The following MYLK4 variants were observed in gnomAD, a reference collection of about 807,000 sequenced individuals.
MYLK4 encodes the protein myosin light chain kinase family member 4, also known as caMLCK like.
A neutral mutation model predicts 48.1 loss-of-function variants in MYLK4; 46 were observed. The ratio of observed to expected loss-of-function variants is 0.96; its 90% CI spans 0.75 to 1.22. The LOEUF (loss-of-function observed/expected upper bound fraction) is 1.22. MYLK4 is among the 50% of genes most tolerant of loss of function. The probability of loss-of-function intolerance (pLI) is 0.00; values close to 1 mark genes in which losing one functional copy is unlikely to be tolerated. For missense variants in MYLK4, 451 were observed against 486.1 expected (o/e 0.93, Z 0.68); for synonymous variants, 170 against 180.8 (o/e 0.94, Z 0.48).
upstream of MYLK4, among the ~76,000 whole-genome samples, chr6:2,753,816 C>T (rs1764356369): frequency 6.6e-6 from 1 of 151,680 alleles, no homozygotes; most frequent in South Asian, 2.1e-4. Context: ...ATTAAAACCA[C>T]AAGGAAACAT....
In MYLK4 at chr6:2,685,261, G is replaced by A. The variant is rs1330918824; in HGVS notation, c.545+35C>T. Reference sequence around the variant, plus strand: ...CACGGTCACGGTCATGAGTGCCCTTGGGGAGGTCAGGGAGGGGGCGGAGGG... The same window carrying A: ...CACGGTCACGGTCATGAGTGCCCTTAGGGAGGTCAGGGAGGGGGCGGAGGG... On this transcript the variant is annotated intron_variant, in intron 6 of 12. Coordinates refer to ENST00000274643, the MANE Select transcript of MYLK4 (RefSeq NM_001012418.5). The surrounding 1 kb of genome is among the most constrained non-coding windows in gnomAD (Gnocchi z 4.5). 1 of 1,501,116 alleles carries A rather than the reference G, an allele frequency of 6.7e-7. No individual in the cohort carries two copies. Among genetic ancestry groups the A allele is most frequent in the South Asian group, 1.1e-5 (1 of 88,678 alleles). 93.0% of individuals were successfully genotyped at this position (1,501,116 alleles called of 1,614,324 possible). A position where few individuals can be genotyped will look rare whatever the true frequency, so the allele number is the denominator to read the frequency against.
At chr6:2,765,672 A>T in the MYLK4 span, 3 of 1,552,784 alleles carry the variant, frequency 1.9e-6, no homozygotes, top group East Asian at 2.6e-5. Context: ...CAGCTGCACC[A>T]GGTGCAGTGC....
chr6:2,709,318 C>T (rs1305168310), intron 2 of MYLK4, among the ~76,000 whole-genome samples: 2 of 152,240 alleles, frequency 1.3e-5, no homozygotes, highest in East Asian at 3.8e-4. Context: ...AACATCTTAA[C>T]ACTCCATATT....
chr6:2,668,442 C>T (rs1223543475), intron 12 of MYLK4, among the ~76,000 whole-genome samples: 3 of 152,092 alleles, frequency 2.0e-5, no homozygotes, highest in Non-Finnish European at 4.4e-5. Flanking sequence ...ACAGAGGTAA[C>T]CAGAAACAAA....
chr6:2,680,375 G>A (rs1227086939), intron 7 of MYLK4, 84 bp from the exon 8 acceptor site: 5 of 1,597,146 alleles, frequency 3.1e-6, no homozygotes, highest in South Asian at 2.2e-5. Context: ...AAAATACAAC[G>A]ATGCTCAGAA....
chr6:2,686,214 C>A (rs1478906337), intron 4 of MYLK4, among the ~76,000 whole-genome samples: 2 of 152,164 alleles, frequency 1.3e-5, no homozygotes, highest in South Asian at 2.1e-4. Flanking sequence ...TCATATGCAC[C>A]CTCACATTTG....
the MYLK4 span, chr6:2,765,460 C>G: frequency 1.2e-6 from 1 of 853,992 alleles, no homozygotes; most frequent in Non-Finnish European, 1.5e-6. Context: ...GCGGGAGCTG[C>G]GGACGTGAGG....
At chr6:2,737,261 C>T (rs1340085119) in intron 2 of MYLK4, among the ~76,000 whole-genome samples, 1 of 152,222 alleles carries the variant, frequency 6.6e-6, no homozygotes, top group African/African-American at 2.4e-5. Flanking sequence ...TGCAGTGAGC[C>T]GAGATCGTGC....
the MYLK4 span, among the ~76,000 whole-genome samples, chr6:2,761,445 GT>G: frequency 1.3e-5 from 2 of 152,132 alleles, no homozygotes; most frequent in Non-Finnish European, 2.9e-5. Context: ...TTTGAAGTAC[GT>G]TTTTTTCATT....
chr6:2,761,811 C>A, the MYLK4 span, among the ~76,000 whole-genome samples: 1 of 152,328 alleles, frequency 6.6e-6, no homozygotes, highest in East Asian at 1.9e-4. Flanking sequence ...TGCACACACA[C>A]ACACAATCTT....
chr6:2,715,193 G>T (rs1006904991), intron 2 of MYLK4, among the ~76,000 whole-genome samples: 3 of 151,180 alleles, frequency 2.0e-5, no homozygotes, highest in African/African-American at 7.3e-5. Context: ...CTGGGAGGCG[G>T]AGGTTGCGGT....
chr6:2,678,861 G>A (rs1288786506), intron 9 of MYLK4, among the ~76,000 whole-genome samples: 10 of 151,952 alleles, frequency 6.6e-5, no homozygotes, highest in Admixed American at 5.2e-4. Flanking sequence ...ATGCCACCAC[G>A]CACGGCTGAT....
chr6:2,736,687 T>G (rs1763685401), intron 2 of MYLK4, among the ~76,000 whole-genome samples: 1 of 152,172 alleles, frequency 6.6e-6, no homozygotes, highest in Non-Finnish European at 1.5e-5. Flanking sequence ...CATTTAAAAA[T>G]ACACTCTAAC....
At chr6:2,763,865 G>C in the MYLK4 span, among the ~76,000 whole-genome samples, 3 of 151,754 alleles carry the variant, frequency 2.0e-5, no homozygotes, top group African/African-American at 7.3e-5. Context: ...AAAAGCTCAC[G>C]GTCGGGCGCA....
chr6:2,708,626 T>G (rs1250191102), intron 2 of MYLK4, among the ~76,000 whole-genome samples: 1 of 152,200 alleles, frequency 6.6e-6, no homozygotes, highest in Non-Finnish European at 1.5e-5. Context: ...TCACAAAGGT[T>G]GTTGTTTTGG....
chr6:2,695,981 T>G (rs1762046498), intron 2 of MYLK4, among the ~76,000 whole-genome samples: 1 of 152,256 alleles, frequency 6.6e-6, no homozygotes, highest in Non-Finnish European at 1.5e-5. Flanking sequence ...GTGACTATAT[T>G]CCTCTGCTGA....
intron 2 of MYLK4, among the ~76,000 whole-genome samples, chr6:2,728,117 G>T (rs1211625504): frequency 6.6e-6 from 1 of 152,158 alleles, no homozygotes; most frequent in Admixed American, 6.5e-5. Context: ...GGTCACTGAG[G>T]CAGTAGGTAG....
the MYLK4 span, among the ~76,000 whole-genome samples, chr6:2,769,083 A>G: frequency 6.6e-6 from 1 of 152,220 alleles, no homozygotes; most frequent in African/African-American, 2.4e-5. Context: ...TCTATCTGAT[A>G]AATGAAATGG....
chr6:2,674,253 G>C (rs1014355547), intron 11 of MYLK4, among the ~76,000 whole-genome samples: 1 of 152,202 alleles, frequency 6.6e-6, no homozygotes, highest in Non-Finnish European at 1.5e-5. Flanking sequence ...TAGTCTAAGA[G>C]TCTCCCACAC....
Sources: allele counts gnomAD v4.1 joint callset (sites outside exome capture counted in the v4.1 genomes callset), GRCh38; gene constraint gnomAD v4.1.1; non-coding constraint Gnocchi (gnomAD v3.1); transcripts MANE v1.5; gene names NCBI Gene and HGNC (gene_info 2026-07-23, HGNC 2026-07-21).